PPFIA2: variants seen among roughly 807,000 people sequenced by gnomAD.
PPFIA2 encodes PPFI scaffold protein A2, also known as liprin-alpha-2.
A neutral mutation model predicts 175.5 loss-of-function variants in PPFIA2; 46 were observed. The observed-to-expected ratio is 0.26, with a 90% CI of 0.21 to 0.34. PPFIA2 has a LOEUF of 0.34. Among genes scored for constraint, PPFIA2 ranks in the 10% least tolerant of loss-of-function variants. The probability of loss-of-function intolerance (pLI) is 1.00; values close to 1 mark genes in which losing one functional copy is unlikely to be tolerated. For synonymous variants in PPFIA2, 568 were observed against 511.4 expected (o/e 1.11, Z -1.49); for missense variants, 1,179 against 1,506.1 (o/e 0.78, Z 3.60).
intron 24 of PPFIA2, among the ~76,000 whole-genome samples, chr12:81,290,882 C>T (rs188210049): frequency 9.9e-4 from 150 of 151,768 alleles, no homozygotes; most frequent in African/African-American, 3.5e-3. Context: ...TTGTGTTACA[C>T]AAAACAAAGA....
chr12:81,471,301 A>T (rs1326126422), intron 4 of PPFIA2: 5 of 151,304 alleles, frequency 3.3e-5, no homozygotes, highest in Non-Finnish European at 7.4e-5. Flanking sequence ...ACACTCCACT[A>T]CTCAAAGGTA....
At chr12:81,290,506 A>G (rs765674308) in intron 24 of PPFIA2, among the ~76,000 whole-genome samples, 2 of 151,850 alleles carry the variant, frequency 1.3e-5, no homozygotes, top group South Asian at 2.1e-4. Flanking sequence ...TAGAATTTGC[A>G]TCAGTATCTG....
At chr12:81,324,706 G>T (rs2139752203) in intron 22 of PPFIA2, among the ~76,000 whole-genome samples, 1 of 151,898 alleles carries the variant, frequency 6.6e-6, no homozygotes, top group African/African-American at 2.4e-5. Flanking sequence ...AGTAACTAAA[G>T]AATAAATATA....
At chr12:81,577,369 T>C (rs1022443653) in intron 4 of PPFIA2, among the ~76,000 whole-genome samples, 8 of 151,880 alleles carry the variant, frequency 5.3e-5, no homozygotes, top group African/African-American at 1.9e-4. Flanking sequence ...TGCACAGTAT[T>C]AGCAAGTAGA....
At chr12:81,377,576 G>T (rs1392463008) in intron 9 of PPFIA2, among the ~76,000 whole-genome samples, 1 of 151,546 alleles carries the variant, frequency 6.6e-6, no homozygotes, top group African/African-American at 2.4e-5. Context: ...AAAGAAAAAG[G>T]AATAGATCCA....
chr12:81,360,275 C>T lies in PPFIA2; in HGVS notation c.1638-2058G>A, dbSNP rs189318481. Among the ~76,000 whole-genome samples, 11 of 151,928 alleles carry T rather than the reference C, an allele frequency of 7.2e-5. No homozygotes were observed. The East Asian group carries it at 2.1e-3, about 29-fold the overall frequency. On this transcript the variant is annotated intron_variant, in intron 15 of 32. Coordinates refer to ENST00000549396, the MANE Select transcript of PPFIA2 (RefSeq NM_003625.5). ...TCTAGGTGTTCAGTATTTTGAAAGG[C>T]TTTTGGAAGGTCTAAGTAAGTCACA...
intron 11 of PPFIA2, among the ~76,000 whole-genome samples, chr12:81,371,915 A>G (rs1242658854): frequency 6.6e-6 from 1 of 150,796 alleles, no homozygotes; most frequent in African/African-American, 2.4e-5. Context: ...ACACAAACAC[A>G]CACACACACA....
chr12:81,372,487 G>A (rs2035371901), intron 11 of PPFIA2, among the ~76,000 whole-genome samples: 1 of 137,938 alleles, frequency 7.2e-6, no homozygotes, highest in Non-Finnish European at 1.6e-5. Flanking sequence ...TCCATAATAA[G>A]GAAATATCAG....
chr12:81,614,066 G>T (rs940743688), intron 4 of PPFIA2, among the ~76,000 whole-genome samples: 1 of 151,956 alleles, frequency 6.6e-6, no homozygotes, highest in Non-Finnish European at 1.5e-5. Flanking sequence ...CTATGAATTC[G>T]TACTGTCTAG....
intron 4 of PPFIA2, among the ~76,000 whole-genome samples, chr12:81,614,810 C>T (rs2061287893): frequency 1.3e-5 from 2 of 151,988 alleles, no homozygotes; most frequent in South Asian, 4.1e-4. Context: ...AGTAAATCTT[C>T]TAGAATAGTA....
chr12:81,408,155 G>T (rs1210288099), intron 7 of PPFIA2, among the ~76,000 whole-genome samples: 1 of 152,034 alleles, frequency 6.6e-6, no homozygotes, highest in East Asian at 1.9e-4. Context: ...TTTCACATTA[G>T]TCAACATGGA....
chr12:81,264,785 C>T (rs549328711), intron 30 of PPFIA2, among the ~76,000 whole-genome samples: 1 of 152,316 alleles, frequency 6.6e-6, no homozygotes, highest in Non-Finnish European at 1.5e-5. Flanking sequence ...ATGTCCGCTA[C>T]TCTTCCCAAC....
chr12:81,278,344 C>T (rs975769566), intron 27 of PPFIA2, among the ~76,000 whole-genome samples: 1 of 151,910 alleles, frequency 6.6e-6, no homozygotes. Flanking sequence ...AGTTCGAGAC[C>T]AGCTTGGTCA....
Position 81,581,809 on chromosome 12 carries a change from T to C in PPFIA2, c.303+94982A>G, listed in dbSNP as rs145367299. ...AGTGTTTCTGTATCATTCTGATACA[T>C]TTTTATTTTGTTTAATGTGCCCATA... On this transcript the variant is annotated intron_variant, in intron 4 of 32. Coordinates refer to ENST00000549396, the MANE Select transcript of PPFIA2 (RefSeq NM_003625.5). Among the ~76,000 whole-genome samples, 11 of 152,010 alleles carry C rather than the reference T, an allele frequency of 7.2e-5. No individual in the cohort carries two copies. In the East Asian group the frequency reaches 1.9e-3, roughly 27 times the overall value.
At chr12:81,376,252 G>T (rs1298454960) in intron 9 of PPFIA2, among the ~76,000 whole-genome samples, 1 of 152,148 alleles carries the variant, frequency 6.6e-6, no homozygotes, top group Admixed American at 6.5e-5. Flanking sequence ...AGTTCATTAT[G>T]CAGTAAAATT....
chr12:81,468,312 C>A (rs1319776654), intron 4 of PPFIA2, among the ~76,000 whole-genome samples: 1 of 152,154 alleles, frequency 6.6e-6, no homozygotes, highest in Non-Finnish European at 1.5e-5. Flanking sequence ...ATGCTTCATG[C>A]ATTTGTACAT....
At chr12:81,444,532 T>C (rs1329214780) in intron 6 of PPFIA2, among the ~76,000 whole-genome samples, 3 of 152,154 alleles carry the variant, frequency 2.0e-5, no homozygotes, top group Non-Finnish European at 4.4e-5. Context: ...AAATAATTCT[T>C]ATACTAATTG....
At chr12:81,609,016 AT>A (rs566366190) in intron 4 of PPFIA2, among the ~76,000 whole-genome samples, 9 of 151,800 alleles carry the variant, frequency 5.9e-5, no homozygotes, top group African/African-American at 1.4e-4. Flanking sequence ...ATTTCAAAGA[AT>A]TTTTTTTATT....
intron 28 of PPFIA2, among the ~76,000 whole-genome samples, chr12:81,274,515 C>CTT: frequency 6.7e-6 from 1 of 149,154 alleles, no homozygotes; most frequent in East Asian, 2.0e-4. Context: ...CAAAATACTT[C>CTT]TTTTTTTTTT....
Sources: allele counts gnomAD v4.1 joint callset (sites outside exome capture counted in the v4.1 genomes callset), GRCh38; gene constraint gnomAD v4.1.1; transcripts MANE v1.5; gene names NCBI Gene and HGNC (gene_info 2026-07-23, HGNC 2026-07-21).